SLC44A5: variants seen among roughly 807,000 people sequenced by gnomAD.
SLC44A5 encodes solute carrier family 44 member 5, also known as choline transporter-like protein 5.
A neutral mutation model predicts 101.8 loss-of-function variants in SLC44A5; 57 were observed. That is an observed-to-expected ratio of 0.56 (90% CI 0.45 to 0.70). The LOEUF is 0.70. SLC44A5 is among the 30% of genes least tolerant of loss of function. SLC44A5 has a pLI of 0.00. For missense variants in SLC44A5, 737 were observed against 853.1 expected, an observed-to-expected ratio of 0.86 and a Z score of 1.70; for synonymous variants, 281 against 290.9, an observed-to-expected ratio of 0.97 and a Z score of 0.35.
intron 1 of SLC44A5, among the ~76,000 whole-genome samples, chr1:75,567,988 C>T (rs149621061): frequency 9.2e-5 from 14 of 152,252 alleles, no homozygotes; most frequent in Non-Finnish European, 1.3e-4. Context: ...ACAGACTTCT[C>T]GGCATATAGT....
the SLC44A5 span, among the ~76,000 whole-genome samples, chr1:75,695,884 A>G: frequency 6.6e-6 from 1 of 150,904 alleles, no homozygotes; most frequent in Non-Finnish European, 1.5e-5. Flanking sequence ...AGGAATTTCA[A>G]AGTTAATTTC....
chr1:75,684,346 A>G, the SLC44A5 span, among the ~76,000 whole-genome samples: 1 of 152,130 alleles, frequency 6.6e-6, no homozygotes, highest in East Asian at 1.9e-4. Flanking sequence ...TTCAAAGCCA[A>G]TTATGCCTTC....
chr1:75,283,019 C>G (rs1451463602), intron 5 of SLC44A5, among the ~76,000 whole-genome samples: 1 of 152,112 alleles, frequency 6.6e-6, no homozygotes, highest in Non-Finnish European at 1.5e-5. Flanking sequence ...TGGGTAGATA[C>G]CCAGTAGAGG....
intron 3 of SLC44A5, among the ~76,000 whole-genome samples, chr1:75,358,003 TAC>T (rs145085735): frequency 0.039 from 5,420 of 138,900 alleles, 140 homozygotes; most frequent in Admixed American, 0.065. Flanking sequence ...CAATGTCACT[TAC>T]ACACACACAC....
chr1:75,354,105 T>C, intron 3 of SLC44A5: 1 of 270,094 alleles, frequency 3.7e-6, no homozygotes, highest in Non-Finnish European at 7.2e-6. Flanking sequence ...AGTTTCTATT[T>C]CTAAAGAACA....
chr1:75,459,854 G>A (rs1006867200), intron 2 of SLC44A5, among the ~76,000 whole-genome samples: 1 of 152,142 alleles, frequency 6.6e-6, no homozygotes, highest in Admixed American at 6.5e-5. Flanking sequence ...GTCTCACTAT[G>A]TTGCCCAGGC....
chr1:75,672,999 G>A, the SLC44A5 span, among the ~76,000 whole-genome samples: 6 of 152,222 alleles, frequency 3.9e-5, no homozygotes, highest in East Asian at 5.8e-4. Flanking sequence ...GAGCTCTGCC[G>A]GCTTCAGGTA....
the SLC44A5 span, among the ~76,000 whole-genome samples, chr1:75,661,698 C>G: frequency 6.6e-6 from 1 of 151,890 alleles, no homozygotes; most frequent in Non-Finnish European, 1.5e-5. Context: ...TTTGAATAGC[C>G]ATTTCTCAAA....
chr1:75,440,751 C>T lies in SLC44A5; in HGVS notation c.14-44130G>A, dbSNP rs1446185033. On this transcript the variant is annotated intron_variant, in intron 2 of 23. Transcript: ENST00000370859. The stretch of plus-strand genomic sequence containing the variant: ...GGGTGGTAGTGTGCTTTAAGGAAAA[C>T]TCTTTCAAGAATGAGGGCAAGAAAA... Among the ~76,000 whole-genome samples, 3 of 152,008 alleles carry T rather than the reference C, an allele frequency of 2.0e-5. 1 individual carries two copies. The highest frequency in any genetic ancestry group is 6.6e-5 in the Admixed American group (1 of 15,252).
At chr1:75,504,013 T>C (rs1669111717) in intron 2 of SLC44A5, among the ~76,000 whole-genome samples, 1 of 152,192 alleles carries the variant, frequency 6.6e-6, no homozygotes, top group African/African-American at 2.4e-5. Flanking sequence ...AGGGGATTTT[T>C]TTTACTAATC....
the SLC44A5 span, among the ~76,000 whole-genome samples, chr1:75,691,782 C>A: frequency 6.6e-6 from 1 of 152,180 alleles, no homozygotes; most frequent in Non-Finnish European, 1.5e-5. Flanking sequence ...TCTTTCATGT[C>A]TTTACATGGC....
chr1:75,672,708 A>G, the SLC44A5 span, among the ~76,000 whole-genome samples: 3 of 152,086 alleles, frequency 2.0e-5, no homozygotes, highest in South Asian at 4.1e-4. Context: ...TCTCTGCTTG[A>G]GAAGAAGAGA....
the SLC44A5 span, among the ~76,000 whole-genome samples, chr1:75,681,506 C>A: frequency 1.6e-3 from 240 of 151,324 alleles, no homozygotes; most frequent in Middle Eastern, 0.014. Flanking sequence ...AAGACAAAAA[C>A]CACATGATTA....
At chr1:75,629,391 G>A in the SLC44A5 span, among the ~76,000 whole-genome samples, 1 of 152,296 alleles carries the variant, frequency 6.6e-6, no homozygotes, top group African/African-American at 2.4e-5. Context: ...GCTCCATGTT[G>A]ATTAGAAGAA....
intron 1 of SLC44A5, among the ~76,000 whole-genome samples, chr1:75,590,371 C>A (rs1226861676): frequency 1.3e-5 from 2 of 152,124 alleles, no homozygotes; most frequent in Admixed American, 1.3e-4. Flanking sequence ...GCATTCATCA[C>A]CTGCTAGCTA....
chr1:75,601,107 T>C (rs1193927183), intron 1 of SLC44A5, among the ~76,000 whole-genome samples: 1 of 152,132 alleles, frequency 6.6e-6, no homozygotes, highest in African/African-American at 2.4e-5. Context: ...ATGAGTGACA[T>C]TGTTCATTTT....
intron 23 of SLC44A5, among the ~76,000 whole-genome samples, chr1:75,209,345 C>A (rs1054081600): frequency 5.9e-5 from 9 of 152,180 alleles, no homozygotes; most frequent in Non-Finnish European, 8.8e-5. Flanking sequence ...TGGGGAAGGT[C>A]ACATAGTGAT....
chr1:75,592,517 A>G (rs1674410869), intron 1 of SLC44A5, among the ~76,000 whole-genome samples: 1 of 152,130 alleles, frequency 6.6e-6, no homozygotes, highest in African/African-American at 2.4e-5. Flanking sequence ...ATGAAACCAC[A>G]GAAGGCCCAG....
the SLC44A5 span, among the ~76,000 whole-genome samples, chr1:75,630,274 G>A: frequency 0.014 from 2,076 of 152,182 alleles, 34 homozygotes; most frequent in Middle Eastern, 0.051. Context: ...CTGGATTTCT[G>A]GGGTCCACCT....
Sources: gnomAD v4.1 joint callset for allele counts (sites outside exome capture counted in the v4.1 genomes callset) on GRCh38, gnomAD v4.1.1 for gene constraint, MANE v1.5 for transcripts, NCBI Gene and HGNC (gene_info 2026-07-23, HGNC 2026-07-21) for gene names.